TTC28: variants seen among roughly 807,000 people sequenced by gnomAD.
TTC28 encodes the protein tetratricopeptide repeat domain 28, also known as tetratricopeptide repeat protein 28.
In TTC28, 61 loss-of-function variants were observed where a neutral mutation model predicts 198.0. The observed-to-expected ratio is 0.31, with a 90% CI of 0.25 to 0.38. The LOEUF is 0.38. TTC28 is among the 10% of genes least tolerant of loss of function. The pLI is 1.00. For missense variants in TTC28, 2,678 were observed against 3,164.0 expected, an observed-to-expected ratio of 0.85 and a Z score of 3.69; for synonymous variants, 1,171 against 1,297.8, an observed-to-expected ratio of 0.90 and a Z score of 2.10.
At position 28,008,778 on chromosome 22, in the gene TTC28, C is replaced by T. The variant is rs115491144; in HGVS notation, c.4218+5470G>A. ...AGGGGTGATTTGGGATCTGAGTGGA[C>T]GAGTGGCTTTGCCTACAGCAGCCCT... On this transcript the variant is annotated intron_variant, in intron 14 of 22. Transcript: ENST00000397906. Among the ~76,000 whole-genome samples the T allele has an allele frequency of 9.3e-3, 1,416 of 152,228 alleles. 24 individuals are homozygous for T. The highest frequency in any genetic ancestry group is 0.032 in the African/African-American group (1,316 of 41,520).
At chr22:28,287,830 GA>G (rs2044713082) in intron 5 of TTC28, among the ~76,000 whole-genome samples, 1 of 152,138 alleles carries the variant, frequency 6.6e-6, no homozygotes, top group African/African-American at 2.4e-5. Flanking sequence ...GCTTATAGAA[GA>G]TGGACTAGAT....
chr22:28,386,220 A>G (rs1601724852), intron 2 of TTC28, among the ~76,000 whole-genome samples: 1 of 128,294 alleles, frequency 7.8e-6, no homozygotes, highest in Non-Finnish European at 1.6e-5. Flanking sequence ...GCTTGCAGTG[A>G]GCCGAGATCC....
intron 6 of TTC28, among the ~76,000 whole-genome samples, chr22:28,108,785 C>T (rs949861311): frequency 3.3e-5 from 5 of 152,120 alleles, no homozygotes; most frequent in African/African-American, 4.8e-5. Context: ...CTAAAATAGG[C>T]GAAGACCTGT....
intron 2 of TTC28, among the ~76,000 whole-genome samples, chr22:28,528,242 A>C (rs2049048345): frequency 6.6e-6 from 1 of 152,022 alleles, no homozygotes. Flanking sequence ...AAATTAAAAC[A>C]CTCTTATGGA....
chr22:28,193,080 C>T (rs1446575193), intron 5 of TTC28, among the ~76,000 whole-genome samples: 2 of 152,220 alleles, frequency 1.3e-5, no homozygotes, highest in Non-Finnish European at 2.9e-5. Context: ...ATCAGACTAA[C>T]AGCTGATCTC....
At chr22:28,044,617 C>T (rs1939791064) in intron 12 of TTC28, among the ~76,000 whole-genome samples, 1 of 152,172 alleles carries the variant, frequency 6.6e-6, no homozygotes, top group Non-Finnish European at 1.5e-5. Context: ...CCCCAACCCA[C>T]AACAGTCCCC....
rs1017037910 is a variant in TTC28, at chr22:28,086,489, T to G, written c.3932+7591A>C. Among the ~76,000 whole-genome samples the G allele has an allele frequency of 6.2e-3, 950 of 152,158 alleles. 9 individuals are homozygous for G. The highest frequency in any genetic ancestry group is 0.02 in the African/African-American group (836 of 41,508). ...ATGAGAACAAAGACACAACATACCATAATCTCTGGGACACGTTCAAAGCAG... is the reference window on the plus strand; with the variant it reads ...ATGAGAACAAAGACACAACATACCAGAATCTCTGGGACACGTTCAAAGCAG... On this transcript the variant is annotated intron_variant, in intron 12 of 22. Transcript: ENST00000397906.
intron 2 of TTC28, among the ~76,000 whole-genome samples, chr22:28,435,446 G>A (rs1569323246): frequency 6.6e-6 from 1 of 152,184 alleles, no homozygotes; most frequent in East Asian, 1.9e-4. Context: ...AAAATGACAT[G>A]GTTTTAGCAC....
intron 2 of TTC28, among the ~76,000 whole-genome samples, chr22:28,388,641 C>A (rs1179545333): frequency 6.6e-6 from 1 of 151,564 alleles, no homozygotes; most frequent in African/African-American, 2.4e-5. Flanking sequence ...ATTTGGCTCT[C>A]TGTCTGTTGT....
intron 1 of TTC28, among the ~76,000 whole-genome samples, chr22:28,653,507 A>AC (rs2051596282): frequency 6.6e-6 from 1 of 151,796 alleles, no homozygotes; most frequent in Non-Finnish European, 1.5e-5. Flanking sequence ...TTGTCTTAAA[A>AC]AAAAAAAAAA....
intron 6 of TTC28, among the ~76,000 whole-genome samples, chr22:28,149,882 G>A (rs1943567772): frequency 6.6e-6 from 1 of 152,144 alleles, no homozygotes; most frequent in Non-Finnish European, 1.5e-5. Flanking sequence ...TGCTAAAAGG[G>A]TAGATTTTAA....
chr22:27,996,340 C>T, intron 16 of TTC28, 81 bp from the exon 17 acceptor site: 1 of 1,506,204 alleles, frequency 6.6e-7, no homozygotes, highest in Non-Finnish European at 8.9e-7. Flanking sequence ...CTCACTTACG[C>T]CTCGAGGTTA....
At chr22:27,993,609 G>A in intron 17 of TTC28, 91 bp from the exon 18 acceptor site, 1 of 1,337,908 alleles carries the variant, frequency 7.5e-7, no homozygotes, top group South Asian at 1.5e-5. Flanking sequence ...CCAGGGTGAA[G>A]CCAGGCTGAC....
intron 2 of TTC28, among the ~76,000 whole-genome samples, chr22:28,437,754 G>A (rs2047543176): frequency 6.6e-6 from 1 of 152,018 alleles, no homozygotes; most frequent in South Asian, 2.1e-4. Flanking sequence ...CAGTGCACCT[G>A]GCTAATTTTT....
rs916495490 is a variant in TTC28, at chr22:28,158,880, G to A, written c.1441+4212C>T. ...AAAAATTTCTTGAGCAATACCCCAT[G>A]AGCACAGGCAACAAAAGCAAAAATG... is the stretch of plus-strand genomic sequence containing the variant. On this transcript the variant is annotated intron_variant, in intron 6 of 22. Coordinates refer to ENST00000397906, the MANE Select transcript of TTC28 (RefSeq NM_001145418.2). 7.2e-5 allele frequency among the ~76,000 whole-genome samples: 11 copies of A among 152,242 alleles called. No homozygotes were observed. The South Asian group carries it at 1.0e-3, about 14-fold the overall frequency.
intron 5 of TTC28, among the ~76,000 whole-genome samples, chr22:28,240,612 C>G (rs1483024715): frequency 6.6e-6 from 1 of 151,984 alleles, no homozygotes; most frequent in African/African-American, 2.4e-5. Context: ...ACATTGATAC[C>G]TCATTAGAAA....
At chr22:28,039,995 G>A (rs1981511116) in intron 12 of TTC28, among the ~76,000 whole-genome samples, 1 of 152,114 alleles carries the variant, frequency 6.6e-6, no homozygotes, top group South Asian at 2.1e-4. Flanking sequence ...AGAAGAAATG[G>A]ATAAATTCCT....
intron 5 of TTC28, among the ~76,000 whole-genome samples, chr22:28,287,623 C>T (rs1003026033): frequency 1.8e-4 from 28 of 151,934 alleles, no homozygotes; most frequent in African/African-American, 6.5e-4. Context: ...AAGCAGAAGG[C>T]CAGTAGACTT....
Position 28,096,302 on chromosome 22 carries a change from G to A in TTC28, c.3654C>T (p.Ser1218=). 4 of 1,551,972 alleles carry A rather than the reference G, an allele frequency of 2.6e-6. No individual in the cohort carries two copies. Among genetic ancestry groups the A allele is most frequent in the Non-Finnish European group, 3.5e-6 (4 of 1,147,058 alleles). The change falls in exon 11 of 23, where the codon TCC becomes TCT. Residue 1218 remains serine (S), a synonymous_variant. Coordinates refer to ENST00000397906, the MANE Select transcript of TTC28 (RefSeq NM_001145418.2). The stretch of plus-strand genomic sequence containing the variant: ...CTAAGATCTGATCAATAGTGACTGG[G>A]GAGTAGGGGTCGGAGTCTTGTTGTC... The part of the protein sequence containing the change: ...QTGQQDSDPY[S]PVTIDQILEM...
Sources: allele counts gnomAD v4.1 joint callset (sites outside exome capture counted in the v4.1 genomes callset), GRCh38; gene constraint gnomAD v4.1.1; transcripts MANE v1.5; gene names NCBI Gene and HGNC (gene_info 2026-07-23, HGNC 2026-07-21).